The following TNR variants were observed in gnomAD, a reference collection of about 807,000 sequenced individuals.
TNR encodes the protein tenascin-R.
In TNR, 45 loss-of-function variants were observed where a neutral mutation model predicts 150.4. The observed-to-expected ratio is 0.30, with a 90% CI of 0.24 to 0.38. The LOEUF (loss-of-function observed/expected upper bound fraction) is 0.38. Ranked by LOEUF, TNR falls within the 10% of genes least tolerant of loss-of-function variation. The pLI, the probability that TNR is intolerant of heterozygous loss-of-function variation, is 1.00. For synonymous variants in TNR, 687 were observed against 678.4 expected (o/e 1.01, Z -0.20); for missense variants, 1,544 against 1,759.1 (o/e 0.88, Z 2.19).
chr1:175,427,537 T>C (rs1464897391), intron 2 of TNR, among the ~76,000 whole-genome samples: 2 of 152,192 alleles, frequency 1.3e-5, no homozygotes, highest in Non-Finnish European at 2.9e-5. Flanking sequence ...GTGTCTACAG[T>C]GTTGGGCAGG....
chr1:175,551,308 G>T (rs370205516), intron 1 of TNR, among the ~76,000 whole-genome samples: 19 of 152,332 alleles, frequency 1.2e-4, no homozygotes, highest in Middle Eastern at 3.4e-3. Flanking sequence ...TATCAAGTGT[G>T]AGGGAGGGAT....
chr1:175,708,465 G>T (rs1666903250), intron 1 of TNR, among the ~76,000 whole-genome samples: 2 of 152,212 alleles, frequency 1.3e-5, no homozygotes, highest in Non-Finnish European at 2.9e-5. Flanking sequence ...TCAAACGTCT[G>T]TACCATGCAA....
intron 1 of TNR, among the ~76,000 whole-genome samples, chr1:175,584,800 A>C (rs1662503153): frequency 6.6e-6 from 1 of 152,158 alleles, no homozygotes; most frequent in Non-Finnish European, 1.5e-5. Flanking sequence ...ACATTTTAAA[A>C]AAAGTTTGGT....
At position 175,323,349 on chromosome 1, in the gene TNR, C is replaced by T. The variant is rs1270114170; in HGVS notation, c.*8G>A. 6.2e-7 allele frequency: 1 copy of T among 1,612,112 alleles called. No individual in the cohort carries two copies. The highest frequency in any genetic ancestry group is 8.5e-7 in the Non-Finnish European group (1 of 1,179,418). ...GAAAATATTGGTTGGCTTGCAGCCG[C>T]CCACTGCTCAGAACTGTAAGGACTG... is the stretch of plus-strand genomic sequence containing the variant. On this transcript the variant is annotated 3_prime_UTR_variant, in exon 23 of 23. Coordinates refer to ENST00000367674, the MANE Select transcript of TNR (RefSeq NM_003285.3).
rs745921585 is a variant in TNR, at chr1:175,355,507, C to T, written c.3245G>A (p.Arg1082His). The T allele has an allele frequency of 3.3e-5, 53 of 1,613,532 alleles. No individual in the cohort carries two copies. The highest frequency in any genetic ancestry group is 1.5e-4 in the South Asian group (14 of 91,022). The change falls in exon 17 of 23, where the codon CGC becomes CAC. Residue 1082 changes from arginine (R) to histidine (H), a missense_variant. Coordinates refer to ENST00000367674, the MANE Select transcript of TNR (RefSeq NM_003285.3). ...CCCTTTCCAGCAAAATCTCACCTTGCGGCTTCCATCGGTGGATTTGTAGGT... is the reference window on the plus strand; with the variant it reads ...CCCTTTCCAGCAAAATCTCACCTTGTGGCTTCCATCGGTGGATTTGTAGGT... ...VLTYKSTDGS[R>H]KELIVDAEDT...
At chr1:175,423,288 C>T (rs1654833747) in intron 2 of TNR, among the ~76,000 whole-genome samples, 1 of 152,180 alleles carries the variant, frequency 6.6e-6, no homozygotes, top group Admixed American at 6.5e-5. Context: ...TTTCCTCCTC[C>T]ATCTTCCTCA....
intron 1 of TNR, among the ~76,000 whole-genome samples, chr1:175,594,145 T>C (rs1047874966): frequency 6.6e-6 from 1 of 152,124 alleles, no homozygotes; most frequent in African/African-American, 2.4e-5. Context: ...ACAGAGAAGG[T>C]GGGTGTACCA....
At chr1:175,384,376 C>T (rs1311063097) in intron 8 of TNR, among the ~76,000 whole-genome samples, 3 of 152,228 alleles carry the variant, frequency 2.0e-5, no homozygotes, top group Non-Finnish European at 4.4e-5. Context: ...TTTCAAGATG[C>T]ACATTCGGTC....
At chr1:175,561,340 G>A (rs1661417685) in intron 1 of TNR, among the ~76,000 whole-genome samples, 1 of 152,136 alleles carries the variant, frequency 6.6e-6, no homozygotes, top group African/African-American at 2.4e-5. Context: ...TTCTGAAGGA[G>A]ATAATGGGGC....
At chr1:175,702,021 T>C (rs1365839480) in intron 1 of TNR, among the ~76,000 whole-genome samples, 1 of 152,236 alleles carries the variant, frequency 6.6e-6, no homozygotes, top group African/African-American at 2.4e-5. Flanking sequence ...CAATTTTATT[T>C]ACTGACAGAT....
chr1:175,432,656 C>T (rs1655328307), intron 2 of TNR, among the ~76,000 whole-genome samples: 1 of 152,006 alleles, frequency 6.6e-6, no homozygotes. Context: ...AAGGCTTGCT[C>T]CTCTTGCTGA....
intron 9 of TNR, among the ~76,000 whole-genome samples, chr1:175,368,582 T>C (rs942106979): frequency 6.6e-6 from 1 of 152,210 alleles, no homozygotes; most frequent in Non-Finnish European, 1.5e-5. Flanking sequence ...ATGCTGGGGA[T>C]TCTTTGAGGG....
At chr1:175,657,179 C>T (rs1323192768) in intron 1 of TNR, among the ~76,000 whole-genome samples, 1 of 152,116 alleles carries the variant, frequency 6.6e-6, no homozygotes, top group Admixed American at 6.5e-5. Context: ...ATCAAGATGC[C>T]AGGTGACCAT....
chr1:175,367,158 T>C (rs755921249), intron 10 of TNR, 50 bp downstream of exon 10: 3 of 1,573,252 alleles, frequency 1.9e-6, no homozygotes, highest in African/African-American at 1.4e-5. Flanking sequence ...CATGACTCCT[T>C]AGGCTTATAG....
chr1:175,743,234 G>C lies in TNR; in HGVS notation c.-173C>G, dbSNP rs920549362. 1 of 152,308 alleles carries C rather than the reference G, an allele frequency of 6.6e-6. No homozygotes were observed. Among genetic ancestry groups the C allele is most frequent in the African/African-American group, 2.4e-5 (1 of 41,454 alleles). 9.4% of individuals were successfully genotyped at this position (152,308 alleles called of 1,614,324 possible). On this transcript the variant is annotated 5_prime_UTR_variant, in exon 1 of 23. Transcript: ENST00000367674. Reference sequence around the variant, plus strand: ...GAGTGCTCTGGACTTACCCAGGCTGGGGGTGGGCGGCCGGGGAGCGAGAGG... The same window carrying C: ...GAGTGCTCTGGACTTACCCAGGCTGCGGGTGGGCGGCCGGGGAGCGAGAGG...
At chr1:175,407,343 T>C (rs925794227) in intron 2 of TNR, among the ~76,000 whole-genome samples, 6 of 152,216 alleles carry the variant, frequency 3.9e-5, no homozygotes, top group Admixed American at 2.0e-4. Context: ...TGGGTACATT[T>C]GTGATTATCT....
At chr1:175,400,294 A>G (rs915668051) in intron 4 of TNR, among the ~76,000 whole-genome samples, 1 of 152,216 alleles carries the variant, frequency 6.6e-6, no homozygotes, top group Non-Finnish European at 1.5e-5. Flanking sequence ...AAGATAAAAG[A>G]GTGCTAGAAG....
chr1:175,697,737 A>G (rs1223516892), intron 1 of TNR, among the ~76,000 whole-genome samples: 5 of 152,150 alleles, frequency 3.3e-5, no homozygotes. Context: ...GCACAGGGGG[A>G]CTTGGCCCTG....
intron 1 of TNR, among the ~76,000 whole-genome samples, chr1:175,554,140 C>CT (rs1425394896): frequency 1.3e-5 from 2 of 152,106 alleles, no homozygotes; most frequent in African/African-American, 4.8e-5. Flanking sequence ...AGCTTTTGTT[C>CT]TTGCTAAGTA....
Sources: allele counts gnomAD v4.1 joint callset (sites outside exome capture counted in the v4.1 genomes callset), GRCh38; gene constraint gnomAD v4.1.1; transcripts MANE v1.5; gene names NCBI Gene and HGNC (gene_info 2026-07-23, HGNC 2026-07-21).